Variants in PTPRN2 observed in about 807,000 individuals in gnomAD.
The protein encoded by PTPRN2 is receptor-type tyrosine-protein phosphatase N2.
A neutral mutation model predicts 118.8 loss-of-function variants in PTPRN2; 74 were observed. The ratio of observed to expected loss-of-function variants is 0.62; its 90% CI spans 0.52 to 0.76. The LOEUF (loss-of-function observed/expected upper bound fraction) is 0.76. PTPRN2 is among the 30% of genes least tolerant of loss of function. The pLI, the probability that PTPRN2 is intolerant of heterozygous loss-of-function variation, is 0.00. For synonymous variants in PTPRN2, 641 were observed against 608.0 expected (o/e 1.05, Z -0.80); for missense variants, 1,481 against 1,394.4 (o/e 1.06, Z -0.99).
intron 4 of PTPRN2, among the ~76,000 whole-genome samples, chr7:158,204,888 T>C (rs957722844): frequency 8.5e-5 from 13 of 152,200 alleles, no homozygotes; most frequent in Admixed American, 2.0e-4. Context: ...TCTCGACTTA[T>C]CTGCTTTCGA....
At chr7:158,342,653 C>A (rs1459829887) in intron 2 of PTPRN2, among the ~76,000 whole-genome samples, 1 of 152,178 alleles carries the variant, frequency 6.6e-6, no homozygotes. Context: ...CTCAGTCAGT[C>A]CTTATGATAA....
At chr7:158,560,863 G>A (rs900581374) in intron 1 of PTPRN2, among the ~76,000 whole-genome samples, 3 of 152,248 alleles carry the variant, frequency 2.0e-5, no homozygotes, top group Non-Finnish European at 4.4e-5. Context: ...GCAGGGTACA[G>A]GTTAAAAAAC....
intron 7 of PTPRN2, 122 bp downstream of exon 7, chr7:158,138,172 A>T: frequency 1.2e-6 from 1 of 825,228 alleles, no homozygotes; most frequent in Non-Finnish European, 1.9e-6. Flanking sequence ...ATTAATACAG[A>T]TCCCCATCTC....
intron 4 of PTPRN2, among the ~76,000 whole-genome samples, chr7:158,194,557 CGTCA>C: frequency 6.6e-6 from 1 of 152,218 alleles, no homozygotes; most frequent in Non-Finnish European, 1.5e-5. Context: ...CAGGCCCCGG[CGTCA>C]TGCCCCACTG....
intron 14 of PTPRN2, among the ~76,000 whole-genome samples, chr7:157,644,688 G>A (rs376604239): frequency 2.0e-5 from 3 of 151,904 alleles, no homozygotes; most frequent in East Asian, 1.9e-4. Context: ...CCAGTTACTC[G>A]GAAGGCTGAG....
At chr7:158,358,003 G>C (rs998086517) in intron 2 of PTPRN2, among the ~76,000 whole-genome samples, 1 of 152,246 alleles carries the variant, frequency 6.6e-6, no homozygotes, top group Non-Finnish European at 1.5e-5. Flanking sequence ...TTCTGTCTCT[G>C]TCTCTCTCTT....
At chr7:158,300,519 G>A (rs970922866) in intron 3 of PTPRN2, among the ~76,000 whole-genome samples, 17 of 152,192 alleles carry the variant, frequency 1.1e-4, no homozygotes, top group Non-Finnish European at 2.2e-4. Flanking sequence ...CGTGGTGCGC[G>A]CACCTGCAGA....
chr7:158,240,929 C>T (rs1204227833), intron 3 of PTPRN2, among the ~76,000 whole-genome samples: 1 of 152,216 alleles, frequency 6.6e-6, no homozygotes, highest in Non-Finnish European at 1.5e-5. Context: ...CCTGGCTTTC[C>T]AGGCAGAGGC....
At chr7:158,414,405 T>G (rs1206647621) in intron 2 of PTPRN2, among the ~76,000 whole-genome samples, 1 of 152,140 alleles carries the variant, frequency 6.6e-6, no homozygotes, top group Non-Finnish European at 1.5e-5. Flanking sequence ...CAATGGCTAT[T>G]CAGGCCTAAG....
chr7:158,440,850 G>A (rs1816977119), intron 2 of PTPRN2, among the ~76,000 whole-genome samples: 1 of 147,838 alleles, frequency 6.8e-6, no homozygotes, highest in Admixed American at 6.7e-5. Flanking sequence ...CAGTGACGGG[G>A]GTGGTGGTGG....
intron 11 of PTPRN2, among the ~76,000 whole-genome samples, chr7:157,991,778 A>G (rs1197899638): frequency 2.7e-5 from 4 of 149,816 alleles, no homozygotes; most frequent in African/African-American, 1.0e-4. Context: ...CCTAAGCACC[A>G]AGCAAGAGTG....
At chr7:158,460,336 G>C (rs1187283993) in intron 2 of PTPRN2, among the ~76,000 whole-genome samples, 1 of 40,606 alleles carries the variant, frequency 2.5e-5, no homozygotes, top group East Asian at 4.8e-4. Context: ...GAGCACAGGA[G>C]GGTCATTCAA....
chr7:157,605,277 G>A (rs937027122), intron 15 of PTPRN2, among the ~76,000 whole-genome samples: 1 of 152,248 alleles, frequency 6.6e-6, no homozygotes, highest in Non-Finnish European at 1.5e-5. Flanking sequence ...CTCTCTGTGA[G>A]GCTGCGGCCA....
At chr7:157,640,064 C>T (rs1804580005) in intron 14 of PTPRN2, among the ~76,000 whole-genome samples, 1 of 152,162 alleles carries the variant, frequency 6.6e-6, no homozygotes, top group Non-Finnish European at 1.5e-5. Context: ...AATTATAGAA[C>T]CCACCAGACA....
chr7:157,657,992 G>GAC (rs200553652), intron 13 of PTPRN2, among the ~76,000 whole-genome samples: 1 of 126,886 alleles, frequency 7.9e-6, no homozygotes, highest in Non-Finnish European at 1.7e-5. Flanking sequence ...ACACGTCACA[G>GAC]ACACACACAC....
chr7:158,401,021 G>T (rs942253694), intron 2 of PTPRN2, among the ~76,000 whole-genome samples: 3 of 152,150 alleles, frequency 2.0e-5, no homozygotes, highest in African/African-American at 7.2e-5. Context: ...TGTGGCCAAG[G>T]CCGCTCATCA....
At chr7:158,510,830 C>T (rs142262405) in intron 1 of PTPRN2, among the ~76,000 whole-genome samples, 21 of 152,286 alleles carry the variant, frequency 1.4e-4, no homozygotes, top group Middle Eastern at 3.4e-3. Flanking sequence ...ACACTGAGGG[C>T]GTTTTGCAGG....
chr7:158,407,738 G>A lies in PTPRN2; in HGVS notation c.163+81997C>T, dbSNP rs567531908. Among the ~76,000 whole-genome samples the A allele has an allele frequency of 2.0e-5, 3 of 152,288 alleles. No individual in the cohort carries two copies. In the South Asian group the frequency reaches 6.2e-4, roughly 32 times the overall value. ...TCCTGGGTCCTGGATTGAGACAGAA[G>A]ACCCTGGGCCGCTCAAGCAGAGCCC... On this transcript the variant is annotated intron_variant, in intron 2 of 22. Coordinates refer to ENST00000389418, the MANE Select transcript of PTPRN2 (RefSeq NM_002847.5).
chr7:157,839,056 G>A (rs1482004197), intron 12 of PTPRN2, among the ~76,000 whole-genome samples: 1 of 152,228 alleles, frequency 6.6e-6, no homozygotes, highest in African/African-American at 2.4e-5. Flanking sequence ...CCTCTCCGCC[G>A]TGGCTACTCC....
Sources: gnomAD v4.1 joint callset for allele counts (sites outside exome capture counted in the v4.1 genomes callset) on GRCh38, gnomAD v4.1.1 for gene constraint, MANE v1.5 for transcripts, NCBI Gene and HGNC (gene_info 2026-07-23, HGNC 2026-07-21) for gene names.